Variants in MEP1A observed in about 807,000 individuals in gnomAD.
MEP1A encodes the protein meprin A subunit alpha, also known as N-benzoyl-L-tyrosyl-P-amino-benzoic acid hydrolase subunit alpha.
Under a neutral mutation model 84.5 loss-of-function variants are expected in MEP1A, and 68 were observed. The observed-to-expected ratio is 0.80, with a 90% CI of 0.66 to 0.98. The LOEUF (loss-of-function observed/expected upper bound fraction) is 0.98. MEP1A is among the 50% of genes least tolerant of loss of function. The pLI is 0.00. For missense variants in MEP1A, 887 were observed against 919.9 expected, an observed-to-expected ratio of 0.96 and a Z score of 0.46; for synonymous variants, 337 against 336.8, an observed-to-expected ratio of 1.00 and a Z score of -0.01.
chr6:46,807,723 G>C (rs1362180942), intron 5 of MEP1A, among the ~76,000 whole-genome samples: 1 of 128,080 alleles, frequency 7.8e-6, no homozygotes, highest in Admixed American at 8.8e-5. Flanking sequence ...AAGAAGAAGA[G>C]GAAAACAGAA....
chr6:46,816,049 G>A (rs1355442496), intron 6 of MEP1A, among the ~76,000 whole-genome samples: 1 of 152,022 alleles, frequency 6.6e-6, no homozygotes, highest in Non-Finnish European at 1.5e-5. Context: ...CAATTCTCCT[G>A]CCTCAGCCTC....
At chr6:46,832,823 C>T (rs1477021849) in intron 10 of MEP1A, among the ~76,000 whole-genome samples, 1 of 152,130 alleles carries the variant, frequency 6.6e-6, no homozygotes, top group Non-Finnish European at 1.5e-5. Context: ...TAGTGGAAAA[C>T]AAATTCACGG....
chr6:46,830,838 G>C (rs1053530726), intron 10 of MEP1A, among the ~76,000 whole-genome samples: 4 of 152,070 alleles, frequency 2.6e-5, no homozygotes, highest in African/African-American at 7.2e-5. Context: ...ATTTATTATA[G>C]TTTATATGAT....
intron 4 of MEP1A, 73 bp from the exon 5 acceptor site, chr6:46,799,033 G>C: frequency 2.2e-6 from 2 of 902,658 alleles, no homozygotes; most frequent in Admixed American, 1.8e-5. Flanking sequence ...CTCTGTGAGA[G>C]TTTAGTGAAG....
At chr6:46,807,793 AAGAAAGAAAG>A (rs1358599480) in intron 5 of MEP1A, among the ~76,000 whole-genome samples, 1 of 142,164 alleles carries the variant, frequency 7.0e-6, no homozygotes, top group African/African-American at 2.5e-5. Flanking sequence ...GAAAGAAAGA[AAGAAAGAAAG>A]AAAGAAAGAA....
chr6:46,838,631 A>G (rs1219965184), intron 13 of MEP1A, among the ~76,000 whole-genome samples: 2 of 152,186 alleles, frequency 1.3e-5, no homozygotes, highest in African/African-American at 2.4e-5. Context: ...TAAGTGTCTC[A>G]GGCCTTCCTC....
At chr6:46,824,038 T>C (rs1404864011) in intron 7 of MEP1A, among the ~76,000 whole-genome samples, 1 of 152,174 alleles carries the variant, frequency 6.6e-6, no homozygotes, top group African/African-American at 2.4e-5. Context: ...CTGCTTACCT[T>C]TCCCTCTGCC....
chr6:46,820,871 G>A (rs1407618416), intron 7 of MEP1A, among the ~76,000 whole-genome samples: 1 of 152,104 alleles, frequency 6.6e-6, no homozygotes, highest in Non-Finnish European at 1.5e-5. Context: ...TTGGCAGTAA[G>A]AGATTAATGA....
rs753469119 is a variant in MEP1A, at chr6:46,835,332, C to G, written c.1867C>G (p.Gln623Glu). The G allele has an allele frequency of 6.7e-5, 108 of 1,609,036 alleles. No individual in the cohort carries two copies. The highest frequency in any genetic ancestry group is 8.7e-5 in the Non-Finnish European group (102 of 1,177,826). Residue 623 changes from glutamine to glutamate, a missense_variant, in exon 13 of 14, where the codon CAG becomes GAG. Gln to Glu is a conservative substitution (Grantham distance 29, BLOSUM62 2). Coordinates refer to ENST00000230588, the MANE Select transcript of MEP1A (RefSeq NM_005588.3). The stretch of plus-strand genomic sequence containing the variant: ...AGGCCTCATTCTCCAAGGCCAGGAG[C>G]AGCAGGTCTCCGAAGAAGGTTCGGG... ...PQGLILQGQE[Q>E]QVSEEGSGKA...
chr6:46,804,854 G>C (rs1767277766), intron 5 of MEP1A, among the ~76,000 whole-genome samples: 1 of 151,724 alleles, frequency 6.6e-6, no homozygotes, highest in Non-Finnish European at 1.5e-5. Context: ...TCCAGAAAAA[G>C]AAGGTGCTAT....
chr6:46,802,056 T>G (rs1767207114), intron 5 of MEP1A, among the ~76,000 whole-genome samples: 1 of 151,990 alleles, frequency 6.6e-6, no homozygotes, highest in South Asian at 2.1e-4. Context: ...ATTTCAAGAC[T>G]GTTTAGCCTA....
At chr6:46,825,815 G>A (rs966606350) in intron 8 of MEP1A, among the ~76,000 whole-genome samples, 4 of 152,160 alleles carry the variant, frequency 2.6e-5, no homozygotes, top group Non-Finnish European at 5.9e-5. Flanking sequence ...CAAACGTAAG[G>A]AGATGTTATT....
intron 5 of MEP1A, among the ~76,000 whole-genome samples, chr6:46,802,423 G>A (rs116343221): frequency 1.4e-3 from 219 of 151,794 alleles, no homozygotes; most frequent in African/African-American, 4.7e-3. Context: ...TATTGATTTT[G>A]TATTCTGTTA....
rs75874923 is a variant in MEP1A at position 46,818,400 on chromosome 6, T to G, written c.381-1129T>G. ...ACCATGAAACTTGCAATCCATTGGT[T>G]GCATTTATGACTATCAGGAAATCTT... On this transcript the variant is annotated intron_variant, in intron 6 of 13. Transcript: ENST00000230588. Among the ~76,000 whole-genome samples the G allele has an allele frequency of 2.5e-3, 374 of 152,262 alleles. 1 individual carries two copies. Among genetic ancestry groups the G allele is most frequent in the African/African-American group, 8.4e-3 (349 of 41,558 alleles).
chr6:46,798,995 C>T, intron 4 of MEP1A, 111 bp from the exon 5 acceptor site: 1 of 715,428 alleles, frequency 1.4e-6, no homozygotes, highest in Non-Finnish European at 2.5e-6. Flanking sequence ...TGCCACTAAA[C>T]TGTTTGAGTT....
At chr6:46,809,237 AT>A (rs1767432293) in intron 5 of MEP1A, among the ~76,000 whole-genome samples, 182 bp from the exon 6 acceptor site, 1 of 152,118 alleles carries the variant, frequency 6.6e-6, no homozygotes, top group African/African-American at 2.4e-5. Context: ...CCCACAACTA[AT>A]TTTGCAGATG....
At chr6:46,834,307 C>T (rs1393333296) in intron 11 of MEP1A, among the ~76,000 whole-genome samples, 1 of 151,954 alleles carries the variant, frequency 6.6e-6, no homozygotes, top group Admixed American at 6.5e-5. Flanking sequence ...TTAAGAAAGT[C>T]GCTCAGTAGC....
Position 46,824,733 on chromosome 6 carries a change from TATGTATTTAAATAG to T in MEP1A, c.557-525_557-512del, listed in dbSNP as rs1354431485. Among the ~76,000 whole-genome samples the T allele has an allele frequency of 1.4e-3, 85 of 59,016 alleles. 2 individuals are homozygous for T. The highest frequency in any genetic ancestry group is 0.01 in the African/African-American group (85 of 8,316). 38.7% of individuals were successfully genotyped at this position (59,016 alleles called of 152,430 possible). A position where few individuals can be genotyped will look rare whatever the true frequency, so the allele number is the denominator to read the frequency against. On this transcript the variant is annotated intron_variant, in intron 7 of 13. Coordinates refer to ENST00000230588, the MANE Select transcript of MEP1A (RefSeq NM_005588.3). ...TAGATGTATTTAAATATATATAAAT[TATGTATTTAAATAG>T]ATGTATTTAAATATATATAAATTAT...
chr6:46,798,775 G>A, intron 4 of MEP1A, 129 bp downstream of exon 4: 3 of 779,776 alleles, frequency 3.8e-6, no homozygotes, highest in Admixed American at 4.6e-5. Context: ...TCTATAATCT[G>A]TTCCAGTGAG....
Sources: gnomAD v4.1 joint callset for allele counts (sites outside exome capture counted in the v4.1 genomes callset) on GRCh38, gnomAD v4.1.1 for gene constraint, MANE v1.5 for transcripts, NCBI Gene and HGNC (gene_info 2026-07-23, HGNC 2026-07-21) for gene names.